The following ITK variants were observed in gnomAD, a reference collection of about 807,000 sequenced individuals.
ITK encodes IL2 inducible T cell kinase, also known as tyrosine-protein kinase ITK/TSK.
In ITK, 45 loss-of-function variants were observed where a neutral mutation model predicts 87.6. The observed-to-expected ratio is 0.51, with a 90% CI of 0.40 to 0.66. The LOEUF is 0.66. Among genes scored for constraint, ITK ranks in the 30% least tolerant of loss-of-function variants. ITK has a pLI of 0.00. For missense variants in ITK, 605 were observed against 766.3 expected (o/e 0.79, Z 2.48); for synonymous variants, 303 against 273.6 (o/e 1.11, Z -1.06).
At chr5:157,201,401 G>T (rs967509630) in intron 1 of ITK, among the ~76,000 whole-genome samples, 1 of 151,002 alleles carries the variant, frequency 6.6e-6, no homozygotes, top group Non-Finnish European at 1.5e-5. Context: ...GGGTTCAAGG[G>T]ATTCTCCTGC....
chr5:157,186,299 G>A (rs975540936), intron 1 of ITK, among the ~76,000 whole-genome samples: 21 of 151,428 alleles, frequency 1.4e-4, no homozygotes, highest in Admixed American at 9.9e-4. Context: ...GGACCTCTAC[G>A]TTTTCCACAA....
chr5:157,245,641 G>A, intron 13 of ITK, 85 bp from the exon 14 acceptor site: 1 of 1,055,008 alleles, frequency 9.5e-7, no homozygotes, highest in Admixed American at 1.7e-5. Context: ...TAAAGCAAAG[G>A]ACTGTGATTA....
At chr5:157,195,528 T>C (rs1260259130) in intron 1 of ITK, 1 of 152,220 alleles carries the variant, frequency 6.6e-6, no homozygotes, top group African/African-American at 2.4e-5. Flanking sequence ...ATTTCAATAA[T>C]TTTAAAAAAA....
At position 157,254,221 on chromosome 5, in the gene ITK, A is replaced by G. The variant is rs1755207262; in HGVS notation, c.*1543A>G. 4.4e-6 allele frequency: 1 copy of G among 229,654 alleles called. No individual in the cohort carries two copies. 14.2% of individuals were successfully genotyped at this position (229,654 alleles called of 1,614,324 possible). A position where few individuals can be genotyped will look rare whatever the true frequency, so the allele number is the denominator to read the frequency against. ...GAATAGTGTTGCTCTGGCACAGACCACTGTGGTTGATGGCATGGCCCTCCA... is the reference window on the plus strand; with the variant it reads ...GAATAGTGTTGCTCTGGCACAGACCGCTGTGGTTGATGGCATGGCCCTCCA... On this transcript the variant is annotated 3_prime_UTR_variant, in exon 17 of 17. Coordinates refer to ENST00000422843, the MANE Select transcript of ITK (RefSeq NM_005546.4).
chr5:157,181,160 G>A (rs1753506567), intron 1 of ITK, 45 bp downstream of exon 1: 1 of 1,603,320 alleles, frequency 6.2e-7, no homozygotes, highest in Admixed American at 1.7e-5. Flanking sequence ...AGCATTTTAT[G>A]TTTGGACTGG....
chr5:157,242,875 G>A (rs541056210), intron 11 of ITK, among the ~76,000 whole-genome samples: 4 of 152,302 alleles, frequency 2.6e-5, no homozygotes, highest in Admixed American at 6.5e-5. Context: ...ACCGTGTCCG[G>A]CACACAGTAG....
At position 157,208,910 on chromosome 5, in the gene ITK, T is replaced by A. The variant is rs752258747; in HGVS notation, c.160T>A (p.Ser54Thr). Residue 54 changes from serine (S) to threonine (T), a missense_variant, in exon 2 of 17, where the codon TCC (serine) becomes ACC (threonine). Physicochemically the swap from Ser to Thr is moderately conservative, Grantham distance 58. Transcript: ENST00000422843. ...RHGKKRTLKG[S>T]IELSRIKCVE... Reference sequence around the variant, plus strand: ...ACAGAAGAAGCGCACGCTGAAGGGGTCCATTGAGCTCTCCCGAATCAAATG... The same window carrying A: ...ACAGAAGAAGCGCACGCTGAAGGGGACCATTGAGCTCTCCCGAATCAAATG... 21 of 1,613,506 alleles carry A rather than the reference T, an allele frequency of 1.3e-5. No individual in the cohort carries two copies. The highest frequency in any genetic ancestry group is 1.7e-5 in the Non-Finnish European group (20 of 1,179,604).
At chr5:157,190,877 A>G (rs1169642461) in intron 1 of ITK, among the ~76,000 whole-genome samples, 1 of 152,230 alleles carries the variant, frequency 6.6e-6, no homozygotes, top group Non-Finnish European at 1.5e-5. Flanking sequence ...CAAACTCTGC[A>G]GGCCCTTGTG....
chr5:157,198,366 AG>A (rs1450734806), intron 1 of ITK, among the ~76,000 whole-genome samples: 2 of 151,646 alleles, frequency 1.3e-5, no homozygotes, highest in Non-Finnish European at 2.9e-5. Context: ...TTGGGTGGCC[AG>A]GGTGTTACTA....
At chr5:157,228,677 C>A (rs1754586509) in intron 7 of ITK, among the ~76,000 whole-genome samples, 2 of 152,170 alleles carry the variant, frequency 1.3e-5, no homozygotes, top group South Asian at 4.1e-4. Context: ...CACTGTCACC[C>A]AGGCTGGAGT....
rs147304889 is a variant in ITK at position 157,193,633 on chromosome 5, A to T, written c.138+12518A>T. Among the ~76,000 whole-genome samples the T allele has an allele frequency of 6.9e-3, 1,046 of 152,306 alleles. 19 individuals are homozygous for T. The highest frequency in any genetic ancestry group is 0.024 in the African/African-American group (995 of 41,556). On this transcript the variant is annotated intron_variant, in intron 1 of 16. Coordinates refer to ENST00000422843, the MANE Select transcript of ITK (RefSeq NM_005546.4). ...GAAACTAAGTATCTCTATCTAGGTT[A>T]CACATATAGGACGAATATTAAAAGT...
intron 3 of ITK, among the ~76,000 whole-genome samples, chr5:157,213,065 G>A (rs893379535): frequency 1.3e-5 from 2 of 152,138 alleles, no homozygotes; most frequent in Non-Finnish European, 2.9e-5. Context: ...GCCCGAGAGT[G>A]GGTAATGTAT....
chr5:157,244,555 A>T, intron 13 of ITK, 77 bp downstream of exon 13: 1 of 827,300 alleles, frequency 1.2e-6, no homozygotes, highest in Non-Finnish European at 2.1e-6. Flanking sequence ...GGAACGCATT[A>T]ATAAATAATA....
chr5:157,221,715 T>C (rs181348993), intron 5 of ITK, among the ~76,000 whole-genome samples: 204 of 152,302 alleles, frequency 1.3e-3, no homozygotes, highest in Middle Eastern at 3.4e-3. Context: ...ATGAATGCCA[T>C]AGCTCTGTTT....
intron 10 of ITK, chr5:157,240,912 T>TCTTTCTTTTC (rs1754879499): frequency 6.6e-6 from 1 of 151,718 alleles, no homozygotes; most frequent in African/African-American, 2.4e-5. Flanking sequence ...TCTTTTCTTT[T>TCTTTCTTTTC]CTTTCTTTTC....
chr5:157,228,265 TA>T, intron 6 of ITK, 30 bp from the exon 7 acceptor site: 1 of 1,345,694 alleles, frequency 7.4e-7, no homozygotes, highest in Middle Eastern at 1.9e-4. Context: ...TAGTTCTATG[TA>T]AGTCTAAACA....
intron 5 of ITK, 146 bp downstream of exon 5, chr5:157,218,053 T>C (rs1022196819): frequency 3.8e-5 from 29 of 769,226 alleles, no homozygotes; most frequent in African/African-American, 3.8e-4. Context: ...ACTCAACACA[T>C]TGGGTATTTT....
chr5:157,237,801 T>A (rs1174743946), intron 8 of ITK, among the ~76,000 whole-genome samples: 1 of 152,178 alleles, frequency 6.6e-6, no homozygotes, highest in East Asian at 1.9e-4. Flanking sequence ...ATGGCAATAT[T>A]GTGGTAAGAG....
chr5:157,241,394 A>T (rs887560530), intron 10 of ITK: 1 of 218,862 alleles, frequency 4.6e-6, no homozygotes, highest in African/African-American at 2.3e-5. Flanking sequence ...TATGACAAAT[A>T]TTTAATTATA....
Sources: allele counts gnomAD v4.1 joint callset (sites outside exome capture counted in the v4.1 genomes callset), GRCh38; gene constraint gnomAD v4.1.1; transcripts MANE v1.5; gene names NCBI Gene and HGNC (gene_info 2026-07-23, HGNC 2026-07-21).